The following SLC47A2 variants were observed in gnomAD, a reference collection of about 807,000 sequenced individuals.
SLC47A2 encodes multidrug and toxin extrusion protein 2.
Under a neutral mutation model 67.7 loss-of-function variants are expected in SLC47A2, and 52 were observed. That is an observed-to-expected ratio of 0.77 (90% CI 0.61 to 0.97). SLC47A2 has a LOEUF of 0.97. Among genes scored for constraint, SLC47A2 ranks in the 50% least tolerant of loss-of-function variants. The probability of loss-of-function intolerance (pLI) is 0.00; values close to 1 mark genes in which losing one functional copy is unlikely to be tolerated. For missense variants in SLC47A2, 676 were observed against 712.3 expected (o/e 0.95, Z 0.58); for synonymous variants, 278 against 292.9 (o/e 0.95, Z 0.52).
In SLC47A2 at chr17:19,678,802, G is replaced by A. The variant is rs1200112133; in HGVS notation, c.1585C>T (p.Pro529Ser). Reference sequence around the variant, plus strand: ...TGTTTCACTGATAGTCTGCTGGTAGGAGCTGAAAGGGCGTGGGCCTCCTCT... The same window carrying A: ...TGTTTCACTGATAGTCTGCTGGTAGAAGCTGAAAGGGCGTGGGCCTCCTCT... ...TPEEAHALSA[P>S]TSRLSVKQLV... Residue 529 changes from proline (P) to serine (S), a missense_variant, in exon 17 of 17, where the codon CCT becomes TCT. Pro to Ser is a moderately conservative substitution (Grantham distance 74). Transcript: ENST00000433844. The A allele has an allele frequency of 3.1e-6, 5 of 1,614,210 alleles. No individual in the cohort carries two copies. The highest frequency in any genetic ancestry group is 8.5e-7 in the Non-Finnish European group (1 of 1,180,038).
At chr17:19,698,192 G>A (rs941786115) in intron 13 of SLC47A2, among the ~76,000 whole-genome samples, 2 of 152,124 alleles carry the variant, frequency 1.3e-5, no homozygotes, top group Non-Finnish European at 2.9e-5. Context: ...ACCCAATTTC[G>A]AGAATTACTA....
intron 13 of SLC47A2, among the ~76,000 whole-genome samples, chr17:19,696,967 G>A (rs12938816): frequency 0.23 from 35,108 of 151,992 alleles, 4,301 homozygotes; most frequent in East Asian, 0.39. Context: ...GTCAGGAACC[G>A]ACTCTTGAAA....
Position 19,678,413 on chromosome 17 carries a change from A to G in SLC47A2, c.*273T>C, listed in dbSNP as rs981790518. On this transcript the variant is annotated 3_prime_UTR_variant, in exon 17 of 17. Coordinates refer to ENST00000433844, the MANE Select transcript of SLC47A2 (RefSeq NM_001099646.3). Reference sequence around the variant, plus strand: ...ATTTACATTATTAATAATAGTGACAATCCCTGGACTCTGACTCGTGCAGTT... The same window carrying G: ...ATTTACATTATTAATAATAGTGACAGTCCCTGGACTCTGACTCGTGCAGTT... The G allele has an allele frequency of 2.2e-6, 1 of 457,918 alleles. No individual in the cohort carries two copies. Among genetic ancestry groups the G allele is most frequent in the South Asian group, 3.7e-5 (1 of 27,144 alleles). The allele number at this position is 457,918 out of a possible 1,614,324, so 28.4% of individuals were successfully genotyped here.
intron 13 of SLC47A2, among the ~76,000 whole-genome samples, chr17:19,688,950 T>C (rs2085484122): frequency 6.6e-6 from 1 of 151,988 alleles, no homozygotes; most frequent in Non-Finnish European, 1.5e-5. Flanking sequence ...ACTGCAGCCT[T>C]GACCTCTTGA....
At chr17:19,696,059 AAT>A (rs139921391) in intron 13 of SLC47A2, among the ~76,000 whole-genome samples, 34,849 of 151,492 alleles carry the variant, frequency 0.23, 4,215 homozygotes, top group East Asian at 0.38. Flanking sequence ...AGTACCTGTG[AAT>A]GTTACCTTAT....
At chr17:19,688,347 G>A (rs2085470659) in intron 13 of SLC47A2, among the ~76,000 whole-genome samples, 2 of 151,800 alleles carry the variant, frequency 1.3e-5, no homozygotes, top group South Asian at 2.1e-4. Flanking sequence ...AAAAAACTGG[G>A]TATAGGAGGA....
rs200300403 is a variant in SLC47A2, at chr17:19,708,809, A to G, written c.487-49T>C. 53 of 1,600,450 alleles carry G rather than the reference A, an allele frequency of 3.3e-5. No homozygotes were observed. The African/African-American group carries it at 6.2e-4, about 19-fold the overall frequency. On this transcript the variant is annotated intron_variant, in intron 5 of 16. Transcript: ENST00000433844. ...AAATCAACAATAATGACCAAAACTC[A>G]CCAAATGAGCATTAACAGACATTCC...
intron 10 of SLC47A2, chr17:19,704,745 C>T: frequency 6.6e-7 from 1 of 1,515,214 alleles, no homozygotes; most frequent in Non-Finnish European, 8.9e-7. Context: ...GAGCCCATGG[C>T]CCTGCTGGGG....
At chr17:19,707,572 G>A (rs2085974506) in intron 8 of SLC47A2, among the ~76,000 whole-genome samples, 174 bp downstream of exon 8, 2 of 152,170 alleles carry the variant, frequency 1.3e-5, no homozygotes, top group South Asian at 4.1e-4. Context: ...TGGGTGGAGG[G>A]ACTCTGGGCC....
intron 13 of SLC47A2, among the ~76,000 whole-genome samples, chr17:19,683,239 G>A (rs2085353512): frequency 6.6e-6 from 1 of 152,130 alleles, no homozygotes; most frequent in Admixed American, 6.5e-5. Flanking sequence ...GGGGTGTGGT[G>A]GGGGAAAGTG....
chr17:19,698,457 A>C (rs2085713442), intron 13 of SLC47A2, among the ~76,000 whole-genome samples: 1 of 152,190 alleles, frequency 6.6e-6, no homozygotes, highest in Admixed American at 6.5e-5. Context: ...GCTTCAAGCA[A>C]TTCTCATGCT....
intron 13 of SLC47A2, among the ~76,000 whole-genome samples, chr17:19,682,031 G>A (rs768781455): frequency 6.6e-5 from 10 of 152,130 alleles, no homozygotes; most frequent in Non-Finnish European, 1.3e-4. Flanking sequence ...GGTTTCCTGT[G>A]GCTACTGTAG....
chr17:19,681,202 G>A (rs183337797), intron 15 of SLC47A2, among the ~76,000 whole-genome samples, 165 bp downstream of exon 15: 1 of 151,764 alleles, frequency 6.6e-6, no homozygotes, highest in Non-Finnish European at 1.5e-5. Flanking sequence ...GACAGAGTGA[G>A]ACTCCATCTC....
intron 13 of SLC47A2, among the ~76,000 whole-genome samples, chr17:19,691,050 G>C (rs1207454025): frequency 2.0e-5 from 3 of 152,178 alleles, no homozygotes; most frequent in Non-Finnish European, 4.4e-5. Context: ...TTGAACCTGG[G>C]AGGCGGAGGT....
chr17:19,714,846 C>T (rs1289366721), intron 2 of SLC47A2, 57 bp from the exon 3 acceptor site: 1 of 1,608,082 alleles, frequency 6.2e-7, no homozygotes, highest in Non-Finnish European at 8.5e-7. Context: ...GAAGAGAGGC[C>T]CCTGCATCTG....
At chr17:19,704,017 G>T in intron 11 of SLC47A2, 53 bp downstream of exon 11, 3 of 1,408,888 alleles carry the variant, frequency 2.1e-6, no homozygotes, top group South Asian at 1.3e-5. Context: ...TGTGGCCCAG[G>T]CTGGTGACTC....
intron 7 of SLC47A2, 73 bp downstream of exon 7, chr17:19,708,229 T>G: frequency 6.5e-7 from 1 of 1,539,850 alleles, no homozygotes; most frequent in Non-Finnish European, 8.9e-7. Context: ...TGGTGACTGA[T>G]CTGTCTCCAC....
chr17:19,716,639 G>A, upstream of SLC47A2: 2 of 1,466,844 alleles, frequency 1.4e-6, no homozygotes, highest in Non-Finnish European at 1.8e-6. Context: ...TGCCTGGGCA[G>A]CCCGTGTCGG....
At chr17:19,713,697 G>T in intron 4 of SLC47A2, 128 bp downstream of exon 4, 1 of 1,292,252 alleles carries the variant, frequency 7.7e-7, no homozygotes, top group Non-Finnish European at 1.0e-6. Context: ...GTACCCACAG[G>T]CACCGTGCAC....
Sources: gnomAD v4.1 joint callset for allele counts (sites outside exome capture counted in the v4.1 genomes callset) on GRCh38, gnomAD v4.1.1 for gene constraint, MANE v1.5 for transcripts, NCBI Gene and HGNC (gene_info 2026-07-23, HGNC 2026-07-21) for gene names.